AFF1: variants seen among roughly 807,000 people sequenced by gnomAD.
AFF1 encodes AF4/FMR2 family member 1.
A neutral mutation model predicts 121.7 loss-of-function variants in AFF1; 48 were observed. That is an observed-to-expected ratio of 0.39 (90% confidence interval 0.31 to 0.50). The LOEUF is 0.50. Ranked by LOEUF, AFF1 falls within the 20% of genes least tolerant of loss-of-function variation. The probability of loss-of-function intolerance (pLI) is 0.76; values close to 1 mark genes in which losing one functional copy is unlikely to be tolerated. For synonymous variants in AFF1, 613 were observed against 563.0 expected (o/e 1.09, Z -1.26); for missense variants, 1,523 against 1,511.7 (o/e 1.01, Z -0.12).
chr4:87,092,301 T>C (rs766155435), intron 7 of AFF1, among the ~76,000 whole-genome samples: 3 of 152,002 alleles, frequency 2.0e-5, no homozygotes, highest in Non-Finnish European at 4.4e-5. Context: ...AAAACCAAAA[T>C]AAGATTGTTG....
chr4:87,025,851 C>T (rs13139129), intron 2 of AFF1, among the ~76,000 whole-genome samples: 2 of 152,106 alleles, frequency 1.3e-5, no homozygotes, highest in African/African-American at 2.4e-5. Context: ...TCATCAGACC[C>T]TAAATCATGC....
chr4:87,043,905 G>A (rs749364371), intron 2 of AFF1, among the ~76,000 whole-genome samples: 20 of 152,002 alleles, frequency 1.3e-4, no homozygotes, highest in Non-Finnish European at 2.4e-4. Context: ...TGCAGCCTCC[G>A]CCTCCTGGGT....
At chr4:86,945,319 C>CTTTTTTTTTTTTT (rs72025655) in intron 1 of AFF1, among the ~76,000 whole-genome samples, 1 of 111,692 alleles carries the variant, frequency 9.0e-6, no homozygotes, top group Admixed American at 9.5e-5. Context: ...TTTTCTTTTC[C>CTTTTTTTTTTTTT]TTTTTTTTTT....
At chr4:87,025,429 G>A (rs374708292) in intron 2 of AFF1, among the ~76,000 whole-genome samples, 3 of 152,210 alleles carry the variant, frequency 2.0e-5, no homozygotes, top group Non-Finnish European at 2.9e-5. Flanking sequence ...CATCTCAGAC[G>A]TGCCGGTCAT....
intron 2 of AFF1, among the ~76,000 whole-genome samples, chr4:86,967,878 A>G (rs1278602860): frequency 6.6e-6 from 1 of 152,174 alleles, no homozygotes; most frequent in Non-Finnish European, 1.5e-5. Flanking sequence ...TTCATTGGGG[A>G]AGGTCTGGGC....
intron 2 of AFF1, among the ~76,000 whole-genome samples, chr4:87,002,425 G>GTT (rs3035506): frequency 0.014 from 947 of 68,122 alleles, 22 homozygotes; most frequent in East Asian, 0.044. Flanking sequence ...GGGCAATGAA[G>GTT]TTTTTTTTTT....
At position 86,951,066 on chromosome 4, in the gene AFF1, G is replaced by T. The variant is rs576706205; in HGVS notation, c.38+2495G>T. Among the ~76,000 whole-genome samples the T allele has an allele frequency of 3.9e-5, 6 of 152,282 alleles. No individual in the cohort carries two copies. The East Asian group carries it at 9.6e-4, about 24-fold the overall frequency. On this transcript the variant is annotated intron_variant, in intron 2 of 20. Coordinates refer to ENST00000395146, the MANE Select transcript of AFF1 (RefSeq NM_001166693.3). ...GTTAGCCTGTCACGGAATTCTGAAA[G>T]AAATTATCTGCCAGTGTTTTTTACA...
chr4:86,970,735 G>C (rs1445050845), intron 2 of AFF1, among the ~76,000 whole-genome samples: 1 of 152,226 alleles, frequency 6.6e-6, no homozygotes, highest in East Asian at 1.9e-4. Flanking sequence ...CTGCTGCTAA[G>C]GTTATGTTCG....
intron 2 of AFF1, among the ~76,000 whole-genome samples, chr4:87,011,809 A>G (rs927451404): frequency 6.6e-6 from 1 of 152,216 alleles, no homozygotes; most frequent in Non-Finnish European, 1.5e-5. Flanking sequence ...AGCTGCTTCC[A>G]TGATAAAGAC....
chr4:87,076,764 T>C (rs533908580), intron 4 of AFF1, among the ~76,000 whole-genome samples: 4 of 152,246 alleles, frequency 2.6e-5, no homozygotes, highest in Non-Finnish European at 4.4e-5. Context: ...TACAGATAGA[T>C]GGGTAGTTGC....
chr4:87,049,735 A>G, intron 4 of AFF1: 1 of 455,990 alleles, frequency 2.2e-6, no homozygotes, highest in Non-Finnish European at 4.4e-6. Flanking sequence ...TGTGGTACCA[A>G]CTGCCTGGGA....
At chr4:87,036,854 AC>A (rs1729619082) in intron 2 of AFF1, 1 of 446,158 alleles carries the variant, frequency 2.2e-6, no homozygotes, top group Admixed American at 2.5e-5. Flanking sequence ...TTTTTTTGAG[AC>A]GGCTTCTTGC....
intron 2 of AFF1, among the ~76,000 whole-genome samples, chr4:87,044,416 T>A (rs1730467963): frequency 6.6e-6 from 1 of 152,196 alleles, no homozygotes; most frequent in African/African-American, 2.4e-5. Context: ...GGTTCGTTTC[T>A]GATGGAGTTC....
At chr4:87,049,536 AG>A in intron 4 of AFF1, 1 of 394,088 alleles carries the variant, frequency 2.5e-6, no homozygotes, top group Non-Finnish European at 5.1e-6. Context: ...ATGTTTTCTG[AG>A]GAACAAAATC....
chr4:87,115,563 C>T (rs984311810), intron 12 of AFF1, among the ~76,000 whole-genome samples: 2 of 145,064 alleles, frequency 1.4e-5, no homozygotes, highest in African/African-American at 5.1e-5. Context: ...AAAACAATAG[C>T]TTCTTTTAGG....
At chr4:87,065,786 T>A (rs1247660566) in intron 4 of AFF1, among the ~76,000 whole-genome samples, 2 of 71,214 alleles carry the variant, frequency 2.8e-5, no homozygotes, top group Non-Finnish European at 5.3e-5. Flanking sequence ...GAGAATTAAA[T>A]TTTGCCCATT....
chr4:86,985,200 T>TATATATATATATAG (rs1724133221), intron 2 of AFF1, among the ~76,000 whole-genome samples: 1 of 129,872 alleles, frequency 7.7e-6, no homozygotes. Flanking sequence ...TATATATATA[T>TATATATATATATAG]ATATATATAT....
intron 2 of AFF1, among the ~76,000 whole-genome samples, chr4:87,023,050 G>A (rs958476814): frequency 6.6e-6 from 1 of 150,470 alleles, no homozygotes; most frequent in Non-Finnish European, 1.5e-5. Context: ...CTACAGGCAG[G>A]CACACACCAC....
intron 17 of AFF1, among the ~76,000 whole-genome samples, chr4:87,131,561 A>T (rs1199770959): frequency 6.6e-6 from 1 of 152,218 alleles, no homozygotes; most frequent in Non-Finnish European, 1.5e-5. Context: ...CAGTAAGGAC[A>T]CAACTTCACT....
Sources: gnomAD v4.1 joint callset for allele counts (sites outside exome capture counted in the v4.1 genomes callset) on GRCh38, gnomAD v4.1.1 for gene constraint, MANE v1.5 for transcripts, NCBI Gene and HGNC (gene_info 2026-07-23, HGNC 2026-07-21) for gene names.